Variants in GTPBP4 observed in about 807,000 individuals in gnomAD.
GTPBP4 encodes GTP binding protein 4, also known as GTP-binding protein 4.
In GTPBP4, 15 loss-of-function variants were observed where a neutral mutation model predicts 81.7. The ratio of observed to expected loss-of-function variants is 0.18; its 90% CI spans 0.12 to 0.28. GTPBP4 has a LOEUF of 0.28. GTPBP4 is among the 10% of genes least tolerant of loss of function. The pLI, the probability that GTPBP4 is intolerant of heterozygous loss-of-function variation, is 1.00. For missense variants in GTPBP4, 847 were observed against 793.8 expected, an observed-to-expected ratio of 1.07 and a Z score of -0.81; for synonymous variants, 272 against 274.6, an observed-to-expected ratio of 0.99 and a Z score of 0.09.
chr10:988,563 G>C (rs1407749227), intron 1 of GTPBP4, 36 bp downstream of exon 1: 4 of 1,541,224 alleles, frequency 2.6e-6, no homozygotes, highest in Non-Finnish European at 3.6e-6. Flanking sequence ...CAACTTTCGC[G>C]TTCTCCTCAG....
rs188925444 is a variant in GTPBP4, at chr10:992,771, T to G, written c.219+112T>G. On this transcript the variant is annotated intron_variant, in intron 2 of 16. Coordinates refer to ENST00000360803, the MANE Select transcript of GTPBP4 (RefSeq NM_012341.3). ...AGAAAAGGAAACAAAATAATTGACT[T>G]AGGTTACTCAGTAAGTTAGTGGCAA... The G allele has an allele frequency of 2.0e-4, 124 of 628,204 alleles. No individual in the cohort carries two copies. The African/African-American group carries it at 2.0e-3, about 10-fold the overall frequency. The allele number at this position is 628,204 out of a possible 1,614,324, so 38.9% of individuals were successfully genotyped here. A position where few individuals can be genotyped will look rare whatever the true frequency, so the allele number is the denominator to read the frequency against.
At chr10:1,016,026 G>A (rs1453060113) in intron 16 of GTPBP4, 130 bp downstream of exon 16, 12 of 826,982 alleles carry the variant, frequency 1.5e-5, no homozygotes, top group Non-Finnish European at 2.3e-5. Flanking sequence ...GCATGCCCTC[G>A]TTTTGTGGCA....
chr10:988,448 T>C lies in GTPBP4; in HGVS notation c.-32T>C. 4 of 1,603,030 alleles carry C rather than the reference T, an allele frequency of 2.5e-6. No individual in the cohort carries two copies. The highest frequency in any genetic ancestry group is 3.4e-6 in the Non-Finnish European group (4 of 1,171,056). On this transcript the variant is annotated 5_prime_UTR_variant, in exon 1 of 17. Coordinates refer to ENST00000360803, the MANE Select transcript of GTPBP4 (RefSeq NM_012341.3). ...CGCCCGACGGCGGAAGTTCCGGGAG[T>C]GCCAAGTACCCGCGTGCATACGGCT...
chr10:1,016,923 C>T (rs1564472792), intron 16 of GTPBP4, 152 bp from the exon 17 acceptor site: 1 of 582,014 alleles, frequency 1.7e-6, no homozygotes, highest in East Asian at 2.9e-5. Context: ...ACAGGGATAA[C>T]TGTGCTGGGC....
chr10:1,013,616 TA>T (rs1379145147), intron 14 of GTPBP4, among the ~76,000 whole-genome samples: 1 of 151,486 alleles, frequency 6.6e-6, no homozygotes, highest in Non-Finnish European at 1.5e-5. Context: ...TCTCAAAAAA[TA>T]AAAAATTTAA....
intron 16 of GTPBP4, among the ~76,000 whole-genome samples, chr10:1,016,799 A>G (rs867673075): frequency 6.6e-6 from 1 of 151,706 alleles, no homozygotes; most frequent in Non-Finnish European, 1.5e-5. Flanking sequence ...TGTAACAGGG[A>G]TAACTGTGCT....
intron 10 of GTPBP4, chr10:1,008,204 A>G (rs993132250): frequency 1.1e-5 from 5 of 449,784 alleles, no homozygotes; most frequent in Non-Finnish European, 2.2e-5. Context: ...CCTGAGGTCA[A>G]GAGTCTGAGA....
rs200896349 is a variant in GTPBP4 at position 1,015,724 on chromosome 10, C to T, written c.1609-29C>T. 7.9e-5 allele frequency: 126 copies of T among 1,591,988 alleles called. 12 individuals carry two copies. In the Middle Eastern group the frequency reaches 3.6e-3, roughly 46 times the overall value. ...CTGGGAGTGGACCTGGGGTCCTGAG[C>T]GCTGAGCATTGCTTCCCCTGCTTTG... is the stretch of plus-strand genomic sequence containing the variant. On this transcript the variant is annotated intron_variant, in intron 15 of 16. Transcript: ENST00000360803.
At chr10:991,827 C>T (rs1368261588) in intron 1 of GTPBP4, among the ~76,000 whole-genome samples, 2 of 148,412 alleles carry the variant, frequency 1.3e-5, no homozygotes, top group African/African-American at 4.9e-5. Context: ...TCCCGAGTAG[C>T]TGGGACTACA....
At chr10:991,942 G>T in intron 1 of GTPBP4, among the ~76,000 whole-genome samples, 1 of 149,432 alleles carries the variant, frequency 6.7e-6, no homozygotes, top group East Asian at 2.0e-4. Flanking sequence ...TGATCCGCCC[G>T]CCTCAGCCTC....
chr10:1,009,621 G>A (rs1831813098), intron 12 of GTPBP4, 41 bp downstream of exon 12: 2 of 1,115,294 alleles, frequency 1.8e-6, no homozygotes, highest in African/African-American at 3.0e-5. Flanking sequence ...AATGCCAATT[G>A]GACGTGAAGT....
intron 4 of GTPBP4, 130 bp from the exon 5 acceptor site, chr10:997,078 C>A: frequency 2.9e-6 from 2 of 691,754 alleles, no homozygotes; most frequent in Non-Finnish European, 5.2e-6. Flanking sequence ...TTCTCCATCA[C>A]TTTTGCATTA....
At chr10:1,016,381 C>T (rs1831993802) in intron 16 of GTPBP4, among the ~76,000 whole-genome samples, 2 of 152,248 alleles carry the variant, frequency 1.3e-5, no homozygotes, top group Non-Finnish European at 2.9e-5. Context: ...TTGGCAAAGA[C>T]ACTTAAGATG....
chr10:1,010,847 T>TCG (rs1554817022), intron 13 of GTPBP4, among the ~76,000 whole-genome samples: 1 of 144,558 alleles, frequency 6.9e-6, no homozygotes, highest in South Asian at 2.3e-4. Flanking sequence ...GTCCCGACAC[T>TCG]GGTGGAGATG....
intron 10 of GTPBP4, chr10:1,008,386 CAA>C (rs772760754): frequency 2.8e-6 from 1 of 355,422 alleles, no homozygotes; most frequent in Non-Finnish European, 5.5e-6. Flanking sequence ...GCCTGGGTGA[CAA>C]GAGTGAGACT....
At chr10:1,013,348 G>A (rs374643517) in intron 14 of GTPBP4, among the ~76,000 whole-genome samples, 7 of 151,316 alleles carry the variant, frequency 4.6e-5, no homozygotes, top group South Asian at 2.1e-4. Flanking sequence ...AGTGGCTCAC[G>A]CCTGTAATCT....
chr10:1,011,372 G>A (rs766585633), intron 13 of GTPBP4, among the ~76,000 whole-genome samples: 11 of 144,786 alleles, frequency 7.6e-5, no homozygotes, highest in African/African-American at 1.0e-4. Context: ...TCCTTAGACC[G>A]TGTCCTCCAT....
chr10:1,005,473 C>T (rs1377452957), intron 8 of GTPBP4, among the ~76,000 whole-genome samples: 3 of 152,098 alleles, frequency 2.0e-5, no homozygotes, highest in Admixed American at 6.6e-5. Context: ...TGTATTTCAT[C>T]GTCTTGCGTT....
chr10:999,157 T>G (rs1451704353), intron 6 of GTPBP4, 62 bp downstream of exon 6: 1 of 961,720 alleles, frequency 1.0e-6, no homozygotes, highest in African/African-American at 1.6e-5. Flanking sequence ...TCACTCTTGT[T>G]GCCCAGGCTG....
Sources: allele counts gnomAD v4.1 joint callset (sites outside exome capture counted in the v4.1 genomes callset), GRCh38; gene constraint gnomAD v4.1.1; transcripts MANE v1.5; gene names NCBI Gene and HGNC (gene_info 2026-07-23, HGNC 2026-07-21).